The following WDR20 variants were observed in gnomAD, a reference collection of about 807,000 sequenced individuals.
WDR20 encodes the protein WD repeat domain 20, also known as WD repeat-containing protein 20.
Under a neutral mutation model 38.7 loss-of-function variants are expected in WDR20, and 3 were observed. The ratio of observed to expected loss-of-function variants is 0.08; its 90% CI spans 0.04 to 0.20. The LOEUF (loss-of-function observed/expected upper bound fraction) is 0.20. Ranked by LOEUF, WDR20 falls within the 10% of genes least tolerant of loss-of-function variation. WDR20 has a pLI of 1.00. For missense variants in WDR20, 559 were observed against 727.7 expected (o/e 0.77, Z 2.67); for synonymous variants, 298 against 285.6 (o/e 1.04, Z -0.44).
chr14:102,187,614 G>A (rs1047338790), intron 1 of WDR20, among the ~76,000 whole-genome samples: 1 of 152,208 alleles, frequency 6.6e-6, no homozygotes, highest in African/African-American at 2.4e-5. Flanking sequence ...TGTAGGCCCT[G>A]CAGAGCCGTG....
At chr14:102,179,296 CCT>C (rs1267072895) in intron 1 of WDR20, among the ~76,000 whole-genome samples, 1 of 152,020 alleles carries the variant, frequency 6.6e-6, no homozygotes, top group East Asian at 1.9e-4. Flanking sequence ...CATATTCTAA[CCT>C]CTGTATTTTC....
At chr14:102,167,345 G>C (rs1218881097) in intron 1 of WDR20, 1 of 152,130 alleles carries the variant, frequency 6.6e-6, no homozygotes, top group African/African-American at 2.4e-5. Flanking sequence ...CTTCCAAGTA[G>C]CTAGGACTGT....
At chr14:102,163,454 C>T (rs919540205) in intron 1 of WDR20, among the ~76,000 whole-genome samples, 7 of 151,868 alleles carry the variant, frequency 4.6e-5, no homozygotes, top group African/African-American at 1.2e-4. Context: ...ATGGCGAAAC[C>T]GTGTCTCTAC....
At position 102,195,607 on chromosome 14, in the gene WDR20, A is replaced by C. The variant is rs537093880; in HGVS notation, c.432+487A>C. On this transcript the variant is annotated intron_variant, in intron 2 of 2. Transcript: ENST00000342702. Reference sequence around the variant, plus strand: ...AATAGTTACTGTAAACTCATCTTTGACATAGTTGGAAATCCTGGCGCTTAA... The same window carrying C: ...AATAGTTACTGTAAACTCATCTTTGCCATAGTTGGAAATCCTGGCGCTTAA... Among the ~76,000 whole-genome samples the C allele has an allele frequency of 2.8e-3, 425 of 152,292 alleles. 3 individuals are homozygous for C. The highest frequency in any genetic ancestry group is 4.2e-3 in the Non-Finnish European group (287 of 68,030).
downstream of WDR20, chr14:102,214,496 A>C (rs2062965442): frequency 2.0e-6 from 2 of 985,302 alleles, no homozygotes; most frequent in Non-Finnish European, 2.4e-6. Context: ...TGTCTCACTG[A>C]TGTTGATTTC....
chr14:102,210,949 G>C (rs2062439725), downstream of WDR20, among the ~76,000 whole-genome samples: 1 of 152,158 alleles, frequency 6.6e-6, no homozygotes, highest in Non-Finnish European at 1.5e-5. Flanking sequence ...TTACTCTTGG[G>C]ATGCTGACGC....
intron 1 of WDR20, among the ~76,000 whole-genome samples, chr14:102,166,216 C>T (rs1408552703): frequency 2.0e-5 from 3 of 151,654 alleles, no homozygotes; most frequent in Non-Finnish European, 2.9e-5. Context: ...TGAGCTCAAG[C>T]GATCTGCCCG....
intron 1 of WDR20, among the ~76,000 whole-genome samples, chr14:102,192,544 G>A (rs935674024): frequency 6.6e-6 from 1 of 152,090 alleles, no homozygotes; most frequent in African/African-American, 2.4e-5. Context: ...CATCTTTTCA[G>A]TAAAGTTCCA....
At chr14:102,203,527 G>C (rs1041737668) in intron 2 of WDR20, among the ~76,000 whole-genome samples, 3 of 152,092 alleles carry the variant, frequency 2.0e-5, no homozygotes, top group African/African-American at 7.2e-5. Context: ...CTGAGTCCCA[G>C]CTCACAACTC....
In WDR20 at chr14:102,202,617, T is replaced by A. The variant is rs565526002; in HGVS notation, c.433-5986T>A. Among the ~76,000 whole-genome samples, 442 of 152,174 alleles carry A rather than the reference T, an allele frequency of 2.9e-3. 1 individual carries two copies. Among genetic ancestry groups the A allele is most frequent in the Non-Finnish European group, 5.3e-3 (358 of 68,012 alleles). On this transcript the variant is annotated intron_variant, in intron 2 of 2. Coordinates refer to ENST00000342702, the MANE Select transcript of WDR20 (RefSeq NM_144574.4). ...GGATGGTCTCGATCTCCTGACCTCG[T>A]GATCCGCCCGCCTTGGCCTCCCAAA... is the stretch of plus-strand genomic sequence containing the variant.
chr14:102,209,237 ACT>A lies in WDR20; in HGVS notation c.1070_1071del (p.Ser357TyrfsTer111). The A allele has an allele frequency of 6.2e-7, 1 of 1,613,918 alleles. No homozygotes were observed. Among genetic ancestry groups the A allele is most frequent in the Non-Finnish European group, 8.5e-7 (1 of 1,179,986 alleles). Reference sequence around the variant, plus strand: ...ACACAGTCCAGGCTCTCCAAACGGAACTCTACAGACAGCCGCCCCGTAAGTGT... The same window carrying A: ...ACACAGTCCAGGCTCTCCAAACGGAACTACAGACAGCCGCCCCGTAAGTGT... On this transcript the variant is annotated frameshift_variant, in exon 3 of 3. Transcript: ENST00000342702. LOFTEE classifies it high-confidence loss of function. The surrounding 1 kb of genome is among the most constrained non-coding windows in gnomAD (Gnocchi z 6.0).
chr14:102,178,989 C>T (rs924837177), intron 1 of WDR20: 11 of 151,946 alleles, frequency 7.2e-5, no homozygotes, highest in South Asian at 2.1e-4. Flanking sequence ...AAGTGGCAGC[C>T]GGAGATTTCA....
At position 102,209,860 on chromosome 14, in the gene WDR20, G is replaced by A. The variant is rs1216844799; in HGVS notation, c.1690G>A (p.Val564Met). The A allele has an allele frequency of 6.2e-7, 1 of 1,611,446 alleles. No individual in the cohort carries two copies. Among genetic ancestry groups the A allele is most frequent in the South Asian group, 1.1e-5 (1 of 90,902 alleles). The change falls in exon 3 of 3, where the codon GTG becomes ATG. Residue 564 changes from valine to methionine, a missense_variant. Transcript: ENST00000342702. This position sits in a 1 kb window ranked among gnomAD's most constrained non-coding sequence, Gnocchi z 6.0. Reference protein sequence around the residue: ...FICTWGRPGKVVSFNP With the variant: ...FICTWGRPGKMVSFNP ...TTGCACATGGGGAAGGCCTGGTAAA[G>A]TGGTAAGTTTTAATCCTTAATGCTG...
intron 1 of WDR20, among the ~76,000 whole-genome samples, chr14:102,175,908 A>G (rs763083602): frequency 1.1e-4 from 16 of 152,216 alleles, no homozygotes; most frequent in Non-Finnish European, 2.1e-4. Flanking sequence ...TTTTGTATCC[A>G]GAAACTTTAC....
chr14:102,142,774 C>CTTTT (rs71116885), intron 1 of WDR20, among the ~76,000 whole-genome samples: 3,866 of 84,900 alleles, frequency 0.046, 90 homozygotes, highest in Non-Finnish European at 0.067. Context: ...GCTGTTTTGA[C>CTTTT]TTTTTTTTTT....
In WDR20 at chr14:102,221,512, T is replaced by C. The variant is rs1342737959; in HGVS notation, c.1693-1318T>C. Among the ~76,000 whole-genome samples, 4 of 152,178 alleles carry C rather than the reference T, an allele frequency of 2.6e-5. No individual in the cohort carries two copies. The highest frequency in any genetic ancestry group is 9.7e-5 in the African/African-American group (4 of 41,446). On this transcript the variant is annotated intron_variant, in intron 3 of 3. Transcript: ENST00000335263. The surrounding 1 kb of genome is among the most constrained non-coding windows in gnomAD (Gnocchi z 4.8). ...GTTTGAGCCAGAAGTATGGGGCGTT[T>C]GCGGGGTCCTCCACAAGTACAAACA...
chr14:102,200,975 G>A (rs1368214898), intron 2 of WDR20, among the ~76,000 whole-genome samples: 1 of 152,232 alleles, frequency 6.6e-6, no homozygotes, highest in African/African-American at 2.4e-5. Flanking sequence ...ATGGGGTAAA[G>A]CTTAGCAGTG....
chr14:102,147,834 C>CA (rs1403996461), intron 1 of WDR20, among the ~76,000 whole-genome samples: 2 of 152,146 alleles, frequency 1.3e-5, no homozygotes, highest in Admixed American at 1.3e-4. Flanking sequence ...GGGTTCAAGC[C>CA]ATTCGCAGGC....
intron 1 of WDR20, among the ~76,000 whole-genome samples, chr14:102,141,248 T>C (rs2050988713): frequency 6.6e-6 from 1 of 152,206 alleles, no homozygotes; most frequent in African/African-American, 2.4e-5. Flanking sequence ...TAAATGCATG[T>C]TAGCATGAAA....
Sources: allele counts gnomAD v4.1 joint callset (sites outside exome capture counted in the v4.1 genomes callset), GRCh38; gene constraint gnomAD v4.1.1; non-coding constraint Gnocchi (gnomAD v3.1); transcripts MANE v1.5; gene names NCBI Gene and HGNC (gene_info 2026-07-23, HGNC 2026-07-21).